Variants in C7orf57 observed in about 807,000 individuals in gnomAD.
C7orf57 encodes the protein chromosome 7 open reading frame 57.
Under a neutral mutation model 39.0 loss-of-function variants are expected in C7orf57, and 33 were observed. The ratio of observed to expected loss-of-function variants is 0.85; its 90% CI spans 0.64 to 1.13. The LOEUF is 1.13. Among genes scored for constraint, C7orf57 ranks in the 50% most tolerant of loss-of-function variants. The probability of loss-of-function intolerance (pLI) is 0.00; values close to 1 mark genes in which losing one functional copy is unlikely to be tolerated. For missense variants in C7orf57, 346 were observed against 362.3 expected (o/e 0.95, Z 0.37); for synonymous variants, 124 against 137.1 (o/e 0.90, Z 0.67).
rs957648466 is a variant in C7orf57, at chr7:48,035,881, C to T, written c.-102+251C>T. Among the ~76,000 whole-genome samples, 7 of 152,008 alleles carry T rather than the reference C, an allele frequency of 4.6e-5. No homozygotes were observed. The highest frequency in any genetic ancestry group is 1.4e-4 in the African/African-American group (6 of 41,386). On this transcript the variant is annotated intron_variant, in intron 1 of 8. Coordinates refer to ENST00000348904, the MANE Select transcript of C7orf57 (RefSeq NM_001100159.3). This position sits in a 1 kb window ranked among gnomAD's most constrained non-coding sequence, Gnocchi z 4.0. ...CGTGGACGTGCCTGTACTGGATACC[C>T]GGCGTGACGTGCCCCCTCTGTGTGC...
chr7:48,038,425 G>T (rs2686783), intron 2 of C7orf57, among the ~76,000 whole-genome samples: 63,976 of 147,314 alleles, frequency 0.43, 14,625 homozygotes, highest in Non-Finnish European at 0.51. Flanking sequence ...GATAGAAAGG[G>T]AGAGAGAGAT....
chr7:48,036,722 G>C (rs1461408191), intron 2 of C7orf57, among the ~76,000 whole-genome samples: 1 of 152,182 alleles, frequency 6.6e-6, no homozygotes. Flanking sequence ...GACCTGGGAA[G>C]TTTCTTCTCT....
chr7:48,044,593 T>A lies in C7orf57; in HGVS notation c.350+1004T>A, dbSNP rs1180642514. Among the ~76,000 whole-genome samples the A allele has an allele frequency of 2.0e-5, 3 of 152,208 alleles. No individual in the cohort carries two copies. In the East Asian group the frequency reaches 5.8e-4, roughly 29 times the overall value. ...CTTCCCCACCTAGGCTTAGGAATTCTTAGCTGGCCTAGGAAATCCAGCTAG... is the reference window on the plus strand; with the variant it reads ...CTTCCCCACCTAGGCTTAGGAATTCATAGCTGGCCTAGGAAATCCAGCTAG... On this transcript the variant is annotated intron_variant, in intron 4 of 8. Transcript: ENST00000348904.
chr7:48,059,747 G>A (rs377662136), intron 8 of C7orf57, among the ~76,000 whole-genome samples: 27 of 152,040 alleles, frequency 1.8e-4, no homozygotes, highest in South Asian at 8.3e-4. Flanking sequence ...ATGTTTTGAC[G>A]TGCCCTAAAG....
chr7:48,054,687 A>C (rs1361690778), intron 8 of C7orf57, 81 bp downstream of exon 8: 2 of 1,249,216 alleles, frequency 1.6e-6, no homozygotes, highest in Non-Finnish European at 2.3e-6. Context: ...CTGCATTCTG[A>C]GACTACAGCC....
At chr7:48,046,044 T>C (rs1329125499) in intron 4 of C7orf57, among the ~76,000 whole-genome samples, 1 of 152,192 alleles carries the variant, frequency 6.6e-6, no homozygotes, top group Non-Finnish European at 1.5e-5. Flanking sequence ...TATTTTAGTA[T>C]ATCTCGTTTT....
intron 4 of C7orf57, among the ~76,000 whole-genome samples, chr7:48,045,493 C>T (rs1377035897): frequency 2.6e-5 from 4 of 152,084 alleles, no homozygotes. Context: ...GCTCTCTGGC[C>T]TCTTCACTCG....
chr7:48,058,123 T>G (rs1275677935), intron 8 of C7orf57, among the ~76,000 whole-genome samples: 2 of 152,190 alleles, frequency 1.3e-5, no homozygotes, highest in African/African-American at 4.8e-5. Context: ...TTTTTGCATC[T>G]ATGTTTATCA....
intron 2 of C7orf57, among the ~76,000 whole-genome samples, chr7:48,039,596 T>C (rs961684452): frequency 1.3e-5 from 2 of 152,220 alleles, no homozygotes; most frequent in Non-Finnish European, 2.9e-5. Flanking sequence ...ACTCAAATTC[T>C]ACCGTTTTTA....
intron 8 of C7orf57, among the ~76,000 whole-genome samples, chr7:48,056,142 T>A (rs1791109247): frequency 6.6e-6 from 1 of 152,234 alleles, no homozygotes; most frequent in Non-Finnish European, 1.5e-5. Context: ...TTCATCTTTT[T>A]GATAATAGCC....
intron 8 of C7orf57, among the ~76,000 whole-genome samples, chr7:48,059,426 C>T (rs898027868): frequency 6.6e-6 from 1 of 152,176 alleles, no homozygotes; most frequent in East Asian, 1.9e-4. Flanking sequence ...TCATGGCTCA[C>T]TACAGCCTTG....
Position 48,046,536 on chromosome 7 carries a change from T to A in C7orf57, c.427T>A (p.Ser143Thr). The change falls in exon 5 of 9, where the codon TCC becomes ACC. Residue 143 changes from serine to threonine, a missense_variant. By Grantham distance (58) the Ser-to-Thr change is moderately conservative. Coordinates refer to ENST00000348904, the MANE Select transcript of C7orf57 (RefSeq NM_001100159.3). ...NPDQANGSYA[S>T]RRGPFDFDMK... ...CGATCAAGCCAATGGTAGCTATGCATCCAGAAGAGGGCCCTTCGACTTCGA... is the reference window on the plus strand; with the variant it reads ...CGATCAAGCCAATGGTAGCTATGCAACCAGAAGAGGGCCCTTCGACTTCGA... 1 of 1,613,856 alleles carries A rather than the reference T, an allele frequency of 6.2e-7. No homozygotes were observed. Among genetic ancestry groups the A allele is most frequent in the Non-Finnish European group, 8.5e-7 (1 of 1,179,832 alleles).
chr7:48,058,970 T>C (rs1791207471), intron 8 of C7orf57, among the ~76,000 whole-genome samples: 1 of 152,204 alleles, frequency 6.6e-6, no homozygotes, highest in South Asian at 2.1e-4. Context: ...ACGTTTCAAA[T>C]TAATGAAGGC....
Position 48,052,819 on chromosome 7 carries a change from C to T in C7orf57, c.725C>T (p.Ser242Phe), listed in dbSNP as rs763124768. 5 of 1,614,006 alleles carry T rather than the reference C, an allele frequency of 3.1e-6. No homozygotes were observed. Among genetic ancestry groups the T allele is most frequent in the Non-Finnish European group, 4.2e-6 (5 of 1,179,890 alleles). The change falls in exon 7 of 9, where the codon TCC becomes TTC. Residue 242 changes from serine (S) to phenylalanine (F), a missense_variant. By Grantham distance (155) the Ser-to-Phe change is radical. Transcript: ENST00000348904. ...ADSDKRTPKT[S>F]RASVLSQSPR... ...TCAGACAAGAGGACCCCGAAGACCT[C>T]CAGGGCATCAGTGTTATCTCAGTCC... is the stretch of plus-strand genomic sequence containing the variant.
In C7orf57 at chr7:48,043,498, G is replaced by T; in HGVS notation, c.259G>T (p.Ala87Ser). Residue 87 changes from alanine (A) to serine (S), a missense_variant, in exon 4 of 9, where the codon GCC (alanine) becomes TCC (serine). Coordinates refer to ENST00000348904, the MANE Select transcript of C7orf57 (RefSeq NM_001100159.3). Reference sequence around the variant, plus strand: ...CTTTTGAGATTTGTTGAAGCACTTTGCCCCTGGAACCAGGAAAGGCTCTCC... The same window carrying T: ...CTTTTGAGATTTGTTGAAGCACTTTTCCCCTGGAACCAGGAAAGGCTCTCC... ...GGRPDLLKHFAPGTRKGSPVA... is the reference protein window; with the variant it reads ...GGRPDLLKHFSPGTRKGSPVA... 1 of 1,613,636 alleles carries T rather than the reference G, an allele frequency of 6.2e-7. No individual in the cohort carries two copies. The highest frequency in any genetic ancestry group is 8.5e-7 in the Non-Finnish European group (1 of 1,179,756).
intron 2 of C7orf57, among the ~76,000 whole-genome samples, chr7:48,039,724 AGAGGATATTGTGTTAGACTCTG>A (rs1790489005): frequency 7.9e-5 from 12 of 151,844 alleles, no homozygotes; most frequent in Admixed American, 7.2e-4. Flanking sequence ...CTACCCAAGA[AGAGGATATTGTGTTAGACTCTG>A]AACATACTGC....
chr7:48,037,711 T>G (rs1790418342), intron 2 of C7orf57, among the ~76,000 whole-genome samples: 1 of 152,008 alleles, frequency 6.6e-6, no homozygotes, highest in Non-Finnish European at 1.5e-5. Context: ...ATTTTTTGCA[T>G]GATAAAAGCT....
chr7:48,045,828 G>A (rs1790697701), intron 4 of C7orf57, among the ~76,000 whole-genome samples: 2 of 152,036 alleles, frequency 1.3e-5, no homozygotes, highest in Admixed American at 6.5e-5. Context: ...TCCTGTGTGC[G>A]CTGCCTATAT....
At chr7:48,056,299 T>A (rs1351857018) in intron 8 of C7orf57, among the ~76,000 whole-genome samples, 1 of 152,230 alleles carries the variant, frequency 6.6e-6, no homozygotes, top group South Asian at 2.1e-4. Flanking sequence ...TGCCCATTTT[T>A]AAATTGGATT....
Sources: gnomAD v4.1 joint callset for allele counts (sites outside exome capture counted in the v4.1 genomes callset) on GRCh38, gnomAD v4.1.1 for gene constraint, Gnocchi (gnomAD v3.1) non-coding constraint, MANE v1.5 for transcripts, NCBI Gene and HGNC (gene_info 2026-07-23, HGNC 2026-07-21) for gene names.